PALM2AKAP2: variants seen among roughly 807,000 people sequenced by gnomAD.
PALM2AKAP2 encodes PALM2-AKAP2 fusion protein.
A neutral mutation model predicts 71.5 loss-of-function variants in PALM2AKAP2; 37 were observed. The observed-to-expected ratio is 0.52, with a 90% CI of 0.40 to 0.68. The LOEUF (loss-of-function observed/expected upper bound fraction) is 0.68. PALM2AKAP2 is among the 30% of genes least tolerant of loss of function. The pLI is 0.00. For synonymous variants in PALM2AKAP2, 468 were observed against 478.8 expected (o/e 0.98, Z 0.29); for missense variants, 1,224 against 1,191.8 (o/e 1.03, Z -0.40).
chr9:109,948,504 T>C (rs1240390394), intron 6 of PALM2AKAP2, among the ~76,000 whole-genome samples: 2 of 152,222 alleles, frequency 1.3e-5, no homozygotes, highest in Non-Finnish European at 2.9e-5. Context: ...AAAATAATTT[T>C]TCAATGTTCT....
At chr9:109,749,806 T>C (rs181660705) in intron 1 of PALM2AKAP2, among the ~76,000 whole-genome samples, 61 of 152,320 alleles carry the variant, frequency 4.0e-4, no homozygotes, top group African/African-American at 1.3e-3. Context: ...CAGAGGCTAA[T>C]AAGTTCTAGT....
At position 109,686,992 on chromosome 9, in the gene PALM2AKAP2, A is replaced by G. The variant is rs150592781; in HGVS notation, c.5+46126A>G. ...AGTTTCCAGCTTCATCCATGTCCCT[A>G]CAAAGGACATGAACTCATCATTTTT... is the stretch of plus-strand genomic sequence containing the variant. On this transcript the variant is annotated intron_variant, in intron 1 of 6. Transcript: ENST00000374531. 1.2e-3 allele frequency among the ~76,000 whole-genome samples: 181 copies of G among 152,164 alleles called. 1 individual carries two copies. Among genetic ancestry groups the G allele is most frequent in the African/African-American group, 4.1e-3 (169 of 41,540 alleles).
intron 6 of PALM2AKAP2, among the ~76,000 whole-genome samples, chr9:110,009,084 T>C (rs1832832814): frequency 6.6e-6 from 1 of 152,120 alleles, no homozygotes. Flanking sequence ...AAAATCTGTG[T>C]AGACAATGAG....
At chr9:109,766,330 C>T (rs1829153351) in intron 1 of PALM2AKAP2, among the ~76,000 whole-genome samples, 2 of 152,152 alleles carry the variant, frequency 1.3e-5, no homozygotes, top group African/African-American at 4.8e-5. Context: ...TGCCAAGGTC[C>T]CTGACCCTAA....
chr9:109,689,200 CTTTTTTTTTTTT>C (rs200092612), intron 1 of PALM2AKAP2, among the ~76,000 whole-genome samples: 10 of 134,150 alleles, frequency 7.5e-5, no homozygotes, highest in Admixed American at 6.9e-4. Flanking sequence ...TTTTTCTTTT[CTTTTTTTTTTTT>C]TTTTTTTTTA....
chr9:109,771,337 G>A (rs912318897), intron 1 of PALM2AKAP2, among the ~76,000 whole-genome samples: 4 of 152,204 alleles, frequency 2.6e-5, no homozygotes, highest in Non-Finnish European at 5.9e-5. Context: ...AGGGGGAGCT[G>A]CATTCCAAGC....
chr9:110,017,026 C>T (rs1394169667), intron 7 of PALM2AKAP2, among the ~76,000 whole-genome samples: 2 of 152,058 alleles, frequency 1.3e-5, no homozygotes, highest in African/African-American at 2.4e-5. Flanking sequence ...ACTACAGGCG[C>T]CAGCCACCGT....
chr9:110,136,592 A>G (rs752046198), exon 2 of PALM2AKAP2: 1 of 1,613,856 alleles, frequency 6.2e-7, no homozygotes, highest in South Asian at 1.1e-5. Context: ...CGAGCTCAGT[A>G]ATAGCAGCCC....
chr9:109,820,833 C>T (rs994926490), intron 1 of PALM2AKAP2, among the ~76,000 whole-genome samples: 11 of 152,128 alleles, frequency 7.2e-5, no homozygotes, highest in Non-Finnish European at 8.8e-5. Context: ...CAACATATAC[C>T]GGTGGCTTTG....
chr9:110,110,433 T>TG lies in PALM2AKAP2; in HGVS notation c.157-25689dup, dbSNP rs1455092465. Among the ~76,000 whole-genome samples, 3 of 152,042 alleles carry TG rather than the reference T, an allele frequency of 2.0e-5. No individual in the cohort carries two copies. The East Asian group carries it at 5.8e-4, about 29-fold the overall frequency. The stretch of plus-strand genomic sequence containing the variant: ...GATCTAGAGCACCCTTTAGGGTGGC[T>TG]GGGGGTCAGATTACAGACTGGACCA... On this transcript the variant is annotated intron_variant, in intron 1 of 3. Transcript: ENST00000374525.
At chr9:109,787,301 C>T (rs1368168468) in intron 1 of PALM2AKAP2, among the ~76,000 whole-genome samples, 1 of 152,190 alleles carries the variant, frequency 6.6e-6, no homozygotes, top group Non-Finnish European at 1.5e-5. Context: ...ATGCATTAAG[C>T]ACTCACAAAC....
intron 1 of PALM2AKAP2, among the ~76,000 whole-genome samples, chr9:110,110,022 T>C (rs1217666950): frequency 1.3e-5 from 2 of 152,162 alleles, no homozygotes; most frequent in East Asian, 1.9e-4. Flanking sequence ...AGCTCTATTG[T>C]ACAACATGGT....
At chr9:109,717,215 C>T (rs948606698) in intron 1 of PALM2AKAP2, among the ~76,000 whole-genome samples, 1 of 152,148 alleles carries the variant, frequency 6.6e-6, no homozygotes, top group Non-Finnish European at 1.5e-5. Flanking sequence ...CAGCTTAAAG[C>T]TCTTGGACTC....
chr9:109,675,131 T>C (rs1827631374), intron 1 of PALM2AKAP2, among the ~76,000 whole-genome samples: 1 of 152,102 alleles, frequency 6.6e-6, no homozygotes. Flanking sequence ...GTGTATTAAG[T>C]GCATTTTTGA....
At chr9:109,941,328 T>C (rs573310523) in intron 6 of PALM2AKAP2, among the ~76,000 whole-genome samples, 1 of 152,270 alleles carries the variant, frequency 6.6e-6, no homozygotes, top group South Asian at 2.1e-4. Flanking sequence ...AAGGCTGTTG[T>C]GCAGAGAGCA....
chr9:110,153,025 A>C (rs1442867989), intron 2 of PALM2AKAP2, among the ~76,000 whole-genome samples: 1 of 152,168 alleles, frequency 6.6e-6, no homozygotes, highest in Non-Finnish European at 1.5e-5. Flanking sequence ...CAAAGCGACC[A>C]TTCTCAGCCC....
At chr9:110,105,415 A>C (rs1835095516) in intron 1 of PALM2AKAP2, among the ~76,000 whole-genome samples, 1 of 152,204 alleles carries the variant, frequency 6.6e-6, no homozygotes, top group Admixed American at 6.5e-5. Context: ...AGTGAACTTG[A>C]TAGAAGCTGC....
chr9:109,876,493 T>C (rs564504017), intron 2 of PALM2AKAP2, among the ~76,000 whole-genome samples: 1 of 152,292 alleles, frequency 6.6e-6, no homozygotes, highest in East Asian at 1.9e-4. Flanking sequence ...TCTTTCTTTT[T>C]TTTGAGACAG....
intron 1 of PALM2AKAP2, among the ~76,000 whole-genome samples, chr9:109,731,896 T>C (rs920140921): frequency 2.0e-5 from 3 of 152,186 alleles, no homozygotes; most frequent in African/African-American, 7.2e-5. Context: ...GAGATGCTTA[T>C]GTATGAGATG....
Sources: gnomAD v4.1 joint callset for allele counts (sites outside exome capture counted in the v4.1 genomes callset) on GRCh38, gnomAD v4.1.1 for gene constraint, MANE v1.5 for transcripts, NCBI Gene and HGNC (gene_info 2026-07-23, HGNC 2026-07-21) for gene names.